ZNF326: variants seen among roughly 807,000 people sequenced by gnomAD.
The protein encoded by ZNF326 is zinc finger protein 326.
Under a neutral mutation model 63.1 loss-of-function variants are expected in ZNF326, and 30 were observed. The observed-to-expected ratio is 0.48, with a 90% CI of 0.36 to 0.64. ZNF326 has a LOEUF of 0.64. Among genes scored for constraint, ZNF326 ranks in the 30% least tolerant of loss-of-function variants. ZNF326 has a pLI of 0.00. For missense variants in ZNF326, 609 were observed against 720.3 expected (o/e 0.85, Z 1.77); for synonymous variants, 194 against 228.2 (o/e 0.85, Z 1.35).
intron 1 of ZNF326, among the ~76,000 whole-genome samples, chr1:89,996,685 G>A (rs539670305): frequency 6.6e-6 from 1 of 151,892 alleles, no homozygotes; most frequent in East Asian, 1.9e-4. Flanking sequence ...GTTGCAGTGA[G>A]CCGAGATCGT....
Position 90,003,725 on chromosome 1 carries a change from G to A in ZNF326, c.62-1278G>A, listed in dbSNP as rs568871789. Among the ~76,000 whole-genome samples, 4 of 152,266 alleles carry A rather than the reference G, an allele frequency of 2.6e-5. No homozygotes were observed. In the East Asian group the frequency reaches 7.7e-4, roughly 29 times the overall value. The stretch of plus-strand genomic sequence containing the variant: ...AGCAATAGCATGAGACTAGACAAGA[G>A]GATATGTATAGAATTTTGGGAAAAT... On this transcript the variant is annotated intron_variant, in intron 2 of 11. Coordinates refer to ENST00000340281, the MANE Select transcript of ZNF326 (RefSeq NM_182976.4).
Position 90,004,794 on chromosome 1 carries a change from A to C in ZNF326, c.62-209A>C, listed in dbSNP as rs1282018571. Reference sequence around the variant, plus strand: ...AAAATATGTTTTTCTTTGAAATATCAGGGCTTTTTTTTTTTTTTTTTTTTT... The same window carrying C: ...AAAATATGTTTTTCTTTGAAATATCCGGGCTTTTTTTTTTTTTTTTTTTTT... On this transcript the variant is annotated intron_variant, in intron 2 of 11. Coordinates refer to ENST00000340281, the MANE Select transcript of ZNF326 (RefSeq NM_182976.4). Among the ~76,000 whole-genome samples, 3 of 91,250 alleles carry C rather than the reference A, an allele frequency of 3.3e-5. No individual in the cohort carries two copies. The East Asian group carries it at 1.2e-3, about 36-fold the overall frequency. The allele number at this position is 91,250 out of a possible 152,430, so 59.9% of individuals were successfully genotyped here. A position where few individuals can be genotyped will look rare whatever the true frequency, so the allele number is the denominator to read the frequency against.
At chr1:90,005,394 G>A (rs1002068182) in intron 4 of ZNF326, 150 bp downstream of exon 4, 3 of 1,386,094 alleles carry the variant, frequency 2.2e-6, no homozygotes. Flanking sequence ...GTTAATTAAT[G>A]GGTATAAAAT....
At position 90,020,821 on chromosome 1, in the gene ZNF326, G is replaced by A. The variant is rs1649732615; in HGVS notation, c.1204G>A (p.Val402Ile). 1.2e-6 allele frequency: 2 copies of A among 1,612,482 alleles called. No individual in the cohort carries two copies. Among genetic ancestry groups the A allele is most frequent in the South Asian group, 1.1e-5 (1 of 90,948 alleles). The change falls in exon 10 of 12, where the codon GTA (valine) becomes ATA (isoleucine). Residue 402 changes from valine (V) to isoleucine (I), a missense_variant. Val to Ile is a conservative substitution (Grantham distance 29). Transcript: ENST00000340281. ...TACTGTAGATGATCACATGATGAAG[G>A]TAGAGACAGTTCATTGCAGCGCTTG... is the stretch of plus-strand genomic sequence containing the variant. ...GVTVDDHMMK[V>I]ETVHCSACSV... is the part of the protein sequence containing the mutation.
chr1:90,001,875 T>TC (rs573646765), intron 2 of ZNF326, among the ~76,000 whole-genome samples: 81 of 152,204 alleles, frequency 5.3e-4, no homozygotes, highest in African/African-American at 1.9e-3. Context: ...CAGTTTTTTT[T>TC]CCCCCAGTAT....
At chr1:90,010,474 G>A (rs937380526) in intron 6 of ZNF326, among the ~76,000 whole-genome samples, 188 bp downstream of exon 6, 3 of 152,068 alleles carry the variant, frequency 2.0e-5, no homozygotes, top group East Asian at 3.8e-4. Flanking sequence ...CTTTTAAAAT[G>A]TACATAACCT....
chr1:90,021,076 G>A (rs1169357741), intron 10 of ZNF326, among the ~76,000 whole-genome samples, 154 bp downstream of exon 10: 1 of 152,010 alleles, frequency 6.6e-6, no homozygotes, highest in Non-Finnish European at 1.5e-5. Context: ...AGTATATAGT[G>A]GTTAAGACTG....
intron 1 of ZNF326, among the ~76,000 whole-genome samples, chr1:89,995,516 A>G (rs1279740077): frequency 2.0e-5 from 3 of 152,266 alleles, no homozygotes; most frequent in Non-Finnish European, 4.4e-5. Context: ...GGACGCGCCT[A>G]GAGCGCGAGA....
At chr1:90,020,959 T>C in intron 10 of ZNF326, 37 bp downstream of exon 10, 1 of 1,601,210 alleles carries the variant, frequency 6.2e-7, no homozygotes. Context: ...GTTGCCAGAT[T>C]ATCCATCAAT....
intron 2 of ZNF326, among the ~76,000 whole-genome samples, chr1:90,002,603 T>C (rs1648740109): frequency 1.3e-5 from 2 of 152,204 alleles, no homozygotes; most frequent in South Asian, 4.1e-4. Context: ...AACTATTTTA[T>C]TAATCTGGGA....
intron 1 of ZNF326, among the ~76,000 whole-genome samples, chr1:89,997,775 T>G (rs1192419985): frequency 6.6e-6 from 1 of 152,236 alleles, no homozygotes; most frequent in East Asian, 1.9e-4. Context: ...TTTGCATTAT[T>G]TGATACATAA....
In ZNF326 at chr1:90,030,595, G is replaced by C. The variant is rs1288627066; in HGVS notation, c.*2894G>C. Reference sequence around the variant, plus strand: ...AAAGGGGAGTAGTTCTAAAATGTTTGTAGAAACGAGGATTTGGGGGTACCA... The same window carrying C: ...AAAGGGGAGTAGTTCTAAAATGTTTCTAGAAACGAGGATTTGGGGGTACCA... On this transcript the variant is annotated 3_prime_UTR_variant, in exon 12 of 12. Coordinates refer to ENST00000340281, the MANE Select transcript of ZNF326 (RefSeq NM_182976.4). The C allele has an allele frequency of 6.6e-6, 1 of 151,734 alleles. No homozygotes were observed. Among genetic ancestry groups the C allele is most frequent in the African/African-American group, 2.4e-5 (1 of 41,324 alleles). 9.4% of individuals were successfully genotyped at this position (151,734 alleles called of 1,614,324 possible).
At chr1:90,005,649 C>T (rs758137470) in intron 4 of ZNF326, 563 of 980,038 alleles carry the variant, frequency 5.7e-4, no homozygotes, top group Non-Finnish European at 6.5e-4. Flanking sequence ...TGTAAATTAG[C>T]AAAGCAGTCT....
rs1407039529 is a variant in ZNF326, at chr1:90,033,075, T to G, written c.*5374T>G. 3.3e-5 allele frequency: 5 copies of G among 152,144 alleles called. No individual in the cohort carries two copies. Among genetic ancestry groups the G allele is most frequent in the African/African-American group, 1.2e-4 (5 of 41,420 alleles). 9.4% of individuals were successfully genotyped at this position (152,144 alleles called of 1,614,324 possible). On this transcript the variant is annotated 3_prime_UTR_variant, in exon 12 of 12. Coordinates refer to ENST00000340281, the MANE Select transcript of ZNF326 (RefSeq NM_182976.4). Reference sequence around the variant, plus strand: ...TCCTGTAATCGCAATCTTCAGGGAATTTTTCACTCAAGCCCAGAAAATAAA... The same window carrying G: ...TCCTGTAATCGCAATCTTCAGGGAAGTTTTCACTCAAGCCCAGAAAATAAA...
Position 90,027,760 on chromosome 1 carries a change from A to T in ZNF326, c.*59A>T. The T allele has an allele frequency of 6.6e-7, 1 of 1,524,832 alleles. No homozygotes were observed. The highest frequency in any genetic ancestry group is 1.2e-5 in the South Asian group (1 of 86,638). 94.5% of individuals were successfully genotyped at this position (1,524,832 alleles called of 1,614,324 possible). A position where few individuals can be genotyped will look rare whatever the true frequency, so the allele number is the denominator to read the frequency against. ...TTTCGGTTCTAATGTAAAAAAGGGT[A>T]AGAAATTTAATAGCTTAAAATATGA... On this transcript the variant is annotated 3_prime_UTR_variant, in exon 12 of 12. Transcript: ENST00000340281.
chr1:90,004,914 TGATA>T lies in ZNF326; in HGVS notation c.62-83_62-80del, dbSNP rs1466781839. The T allele has an allele frequency of 3.7e-6, 4 of 1,083,490 alleles. No homozygotes were observed. The African/African-American group carries it at 6.4e-5, about 17-fold the overall frequency. The allele number at this position is 1,083,490 out of a possible 1,614,324, so 67.1% of individuals were successfully genotyped here. A position where few individuals can be genotyped will look rare whatever the true frequency, so the allele number is the denominator to read the frequency against. On this transcript the variant is annotated intron_variant, in intron 2 of 11. Transcript: ENST00000340281. ...AATGTTAATGGTAAATTATCTCAGG[TGATA>T]GATAGGAATATCTTGTGTTTTGTGC...
intron 11 of ZNF326, among the ~76,000 whole-genome samples, chr1:90,023,516 T>G (rs765464104): frequency 2.6e-5 from 4 of 152,114 alleles, no homozygotes; most frequent in Non-Finnish European, 4.4e-5. Context: ...TAATCTAATA[T>G]TCGTTAATAT....
intron 2 of ZNF326, among the ~76,000 whole-genome samples, chr1:89,999,742 G>A (rs1338747634): frequency 1.3e-5 from 2 of 152,140 alleles, no homozygotes; most frequent in Non-Finnish European, 2.9e-5. Flanking sequence ...AGTACTTCTA[G>A]GTCTAGATTA....
intron 11 of ZNF326, among the ~76,000 whole-genome samples, chr1:90,027,066 T>TGG (rs1491237403): frequency 5.8e-5 from 1 of 17,382 alleles, no homozygotes; most frequent in Non-Finnish European, 1.1e-4. Context: ...TGTGTATATA[T>TGG]GTGTGTGTGT....
Sources: allele counts gnomAD v4.1 joint callset (sites outside exome capture counted in the v4.1 genomes callset), GRCh38; gene constraint gnomAD v4.1.1; transcripts MANE v1.5; gene names NCBI Gene and HGNC (gene_info 2026-07-23, HGNC 2026-07-21).